ELP6: variants seen among roughly 807,000 people sequenced by gnomAD.
ELP6 encodes elongator acetyltransferase complex subunit 6, also known as elongator complex protein 6.
A neutral mutation model predicts 28.1 loss-of-function variants in ELP6; 23 were observed. That is an observed-to-expected ratio of 0.82 (90% CI 0.59 to 1.16). The LOEUF is 1.16. Ranked by LOEUF, ELP6 falls within the 50% of genes most tolerant of loss-of-function variation. The pLI, the probability that ELP6 is intolerant of heterozygous loss-of-function variation, is 0.00. For missense variants in ELP6, 313 were observed against 334.6 expected, an observed-to-expected ratio of 0.94 and a Z score of 0.50; for synonymous variants, 132 against 135.8, an observed-to-expected ratio of 0.97 and a Z score of 0.19.
Position 47,495,744 on chromosome 3 carries a change from T to C in ELP6, c.*325A>G, listed in dbSNP as rs1288698587. ...CTGGCTGGCACATCTATACCCACTCTGGCTCTGAAAGGCTTGTCAACCAAA... is the reference window on the plus strand; with the variant it reads ...CTGGCTGGCACATCTATACCCACTCCGGCTCTGAAAGGCTTGTCAACCAAA... On this transcript the variant is annotated 3_prime_UTR_variant, in exon 7 of 7. Coordinates refer to ENST00000296149, the MANE Select transcript of ELP6 (RefSeq NM_001031703.3). 3.3e-6 allele frequency: 1 copy of C among 301,972 alleles called. No homozygotes were observed. Among genetic ancestry groups the C allele is most frequent in the Non-Finnish European group, 6.2e-6 (1 of 160,518 alleles). 18.7% of individuals were successfully genotyped at this position (301,972 alleles called of 1,614,324 possible).
chr3:47,503,374 G>A (rs1395728978), intron 4 of ELP6: 1 of 1,289,692 alleles, frequency 7.8e-7, no homozygotes, highest in Non-Finnish European at 1.0e-6. Flanking sequence ...GTTCAGAAAG[G>A]AGGAAAAGCA....
chr3:47,507,933 A>G (rs1354576760), intron 3 of ELP6, among the ~76,000 whole-genome samples: 1 of 124,180 alleles, frequency 8.1e-6, no homozygotes, highest in Admixed American at 8.6e-5. Flanking sequence ...ATCATCATTC[A>G]AAGGTAAAAG....
chr3:47,502,991 T>C, intron 4 of ELP6: 9 of 981,072 alleles, frequency 9.2e-6, no homozygotes, highest in Non-Finnish European at 1.1e-5. Context: ...TGACTACCCC[T>C]GGCCATCATT....
At chr3:47,503,304 T>A (rs11717374) in intron 4 of ELP6, 58,030 of 1,287,994 alleles carry the variant, frequency 0.045, 1,458 homozygotes, top group Middle Eastern at 0.063. Context: ...GACCACTTTG[T>A]AGTGGACGAA....
chr3:47,496,236 C>G, intron 6 of ELP6, 39 bp from the exon 7 acceptor site: 1 of 1,605,556 alleles, frequency 6.2e-7, no homozygotes, highest in Non-Finnish European at 8.5e-7. Context: ...AGCAGCCACC[C>G]CAGGACCTGC....
At chr3:47,496,446 A>G (rs1708480379) in intron 6 of ELP6, 1 of 985,128 alleles carries the variant, frequency 1.0e-6, no homozygotes, top group Non-Finnish European at 1.2e-6. Context: ...AAAAAAAAGG[A>G]AACAGAAGGA....
intron 4 of ELP6, 45 bp downstream of exon 4, chr3:47,504,285 C>T (rs555935710): frequency 8.5e-6 from 13 of 1,536,810 alleles, no homozygotes; most frequent in Non-Finnish European, 1.1e-5. Flanking sequence ...TGCCTGGGCC[C>T]ACCTGCCACG....
chr3:47,502,520 A>G, intron 4 of ELP6: 3 of 984,852 alleles, frequency 3.0e-6, no homozygotes, highest in Non-Finnish European at 3.6e-6. Context: ...AAACCTTCCC[A>G]GGAGGTTATA....
At chr3:47,496,445 G>C in intron 6 of ELP6, 1 of 983,754 alleles carries the variant, frequency 1.0e-6, no homozygotes, top group Non-Finnish European at 1.2e-6. Context: ...AAAAAAAAAG[G>C]AAACAGAAGG....
intron 4 of ELP6, among the ~76,000 whole-genome samples, chr3:47,503,881 A>T (rs1383098977): frequency 6.6e-6 from 1 of 152,118 alleles, no homozygotes; most frequent in Non-Finnish European, 1.5e-5. Flanking sequence ...ACAGAGCGAG[A>T]CTCCATCTCA....
intron 4 of ELP6, chr3:47,502,666 C>A (rs984412389): frequency 1.6e-6 from 1 of 621,436 alleles, no homozygotes; most frequent in Admixed American, 6.4e-5. Flanking sequence ...GGGACTATAC[C>A]TCTACAAAAA....
intron 2 of ELP6, 56 bp from the exon 3 acceptor site, chr3:47,510,310 G>T: frequency 6.8e-7 from 1 of 1,469,946 alleles, no homozygotes; most frequent in Non-Finnish European, 9.4e-7. Context: ...CAGACTCACT[G>T]ATTTCATACC....
At chr3:47,506,713 A>G (rs1458612103) in intron 3 of ELP6, among the ~76,000 whole-genome samples, 2 of 152,184 alleles carry the variant, frequency 1.3e-5, no homozygotes, top group Non-Finnish European at 1.5e-5. Context: ...TCAAACACAC[A>G]TGCTCTACAA....
At chr3:47,502,352 G>C (rs1708689440) in intron 4 of ELP6, 13 of 939,528 alleles carry the variant, frequency 1.4e-5, no homozygotes, top group Non-Finnish European at 1.5e-5. Flanking sequence ...GGAAGTTGCA[G>C]TGAGCCACGA....
chr3:47,503,428 G>A (rs1431100910), intron 4 of ELP6: 9 of 1,289,504 alleles, frequency 7.0e-6, no homozygotes, highest in Middle Eastern at 2.1e-4. Context: ...CCAAACCAGG[G>A]GAAAAATTTT....
chr3:47,512,054 T>C, intron 1 of ELP6: 2 of 985,446 alleles, frequency 2.0e-6, no homozygotes, highest in South Asian at 9.4e-5. Context: ...CTAGGCTGAC[T>C]TTGGAAGTGC....
intron 5 of ELP6, among the ~76,000 whole-genome samples, chr3:47,499,493 T>C (rs1294644212): frequency 7.8e-6 from 1 of 128,214 alleles, no homozygotes; most frequent in Non-Finnish European, 1.6e-5. Flanking sequence ...CACTCCAGCC[T>C]GGGCAAAAGA....
intron 1 of ELP6, chr3:47,511,701 G>T: frequency 1.5e-6 from 1 of 687,432 alleles, no homozygotes; most frequent in Non-Finnish European, 1.8e-6. Flanking sequence ...GGAAGAAGCA[G>T]TTGCTGATAC....
At chr3:47,505,861 C>T (rs1357669860) in intron 3 of ELP6, among the ~76,000 whole-genome samples, 5 of 152,264 alleles carry the variant, frequency 3.3e-5, no homozygotes, top group Admixed American at 6.5e-5. Context: ...CGTGAGCCAC[C>T]GTGCCCGGCC....
Sources: gnomAD v4.1 joint callset for allele counts (sites outside exome capture counted in the v4.1 genomes callset) on GRCh38, gnomAD v4.1.1 for gene constraint, MANE v1.5 for transcripts, NCBI Gene and HGNC (gene_info 2026-07-23, HGNC 2026-07-21) for gene names.